EYS: variants seen among roughly 807,000 people sequenced by gnomAD.
EYS encodes the protein EGF-like photoreceptor maintenance factor.
A neutral mutation model predicts 282.1 loss-of-function variants in EYS; 250 were observed. That is an observed-to-expected ratio of 0.89 (90% CI 0.80 to 0.98). The LOEUF (loss-of-function observed/expected upper bound fraction) is 0.98. EYS is among the 50% of genes least tolerant of loss of function. EYS has a pLI of 0.00. For missense variants in EYS, 4,016 were observed against 3,709.0 expected (o/e 1.08, Z -2.15); for synonymous variants, 1,355 against 1,282.9 (o/e 1.06, Z -1.20).
chr6:64,961,866 T>C, intron 14 of EYS, among the ~76,000 whole-genome samples: 1 of 152,156 alleles, frequency 6.6e-6, no homozygotes, highest in Non-Finnish European at 1.5e-5. Context: ...TTGGGGGAGA[T>C]AATTTCTGAA....
intron 2 of EYS, among the ~76,000 whole-genome samples, chr6:65,565,378 C>A (rs1360070637): frequency 6.6e-6 from 1 of 151,150 alleles, no homozygotes; most frequent in African/African-American, 2.4e-5. Flanking sequence ...TAGATAAATG[C>A]AAATCAAAAC....
chr6:63,876,477 G>A (rs940743006), intron 35 of EYS, among the ~76,000 whole-genome samples: 1 of 152,230 alleles, frequency 6.6e-6, no homozygotes, highest in African/African-American at 2.4e-5. Flanking sequence ...TTCTGTAAAT[G>A]TCTATTAGGT....
intron 33 of EYS, among the ~76,000 whole-genome samples, chr6:64,044,366 G>T (rs956250899): frequency 2.6e-5 from 4 of 152,094 alleles, no homozygotes; most frequent in Non-Finnish European, 5.9e-5. Context: ...CTGGCTTTCT[G>T]CCCATCAGTA....
chr6:64,417,073 T>G (rs1388811324), intron 28 of EYS, among the ~76,000 whole-genome samples: 1 of 152,142 alleles, frequency 6.6e-6, no homozygotes, highest in African/African-American at 2.4e-5. Context: ...AATGACATAA[T>G]GTTGACTGAA....
intron 2 of EYS, among the ~76,000 whole-genome samples, chr6:65,514,506 A>G (rs1304226768): frequency 6.6e-6 from 1 of 152,244 alleles, no homozygotes; most frequent in East Asian, 1.9e-4. Flanking sequence ...AAAAGAACAA[A>G]GCTGGAGGCA....
chr6:63,873,958 G>C (rs1324276502), intron 35 of EYS, among the ~76,000 whole-genome samples: 4 of 152,116 alleles, frequency 2.6e-5, no homozygotes, highest in East Asian at 1.9e-4. Flanking sequence ...TGTTCACTCT[G>C]ATGGTAGTTT....
chr6:64,419,885 GGA>G (rs1480440386), intron 28 of EYS, among the ~76,000 whole-genome samples: 3 of 152,210 alleles, frequency 2.0e-5, no homozygotes, highest in Admixed American at 2.0e-4. Flanking sequence ...TCTGGGGTCT[GGA>G]GAACAGTGTC....
intron 22 of EYS, among the ~76,000 whole-genome samples, chr6:64,675,869 AG>A (rs1410761018): frequency 6.6e-6 from 1 of 151,536 alleles, no homozygotes; most frequent in Non-Finnish European, 1.5e-5. Context: ...TATTTGTAAA[AG>A]GGAATAATAA....
intron 1 of EYS, among the ~76,000 whole-genome samples, chr6:65,643,896 C>G (rs772556061): frequency 3.9e-5 from 6 of 152,086 alleles, no homozygotes; most frequent in South Asian, 2.1e-4. Context: ...CAAGGGAGCA[C>G]GCGGTGGGAC....
intron 13 of EYS, among the ~76,000 whole-genome samples, chr6:65,008,225 C>T (rs1208077371): frequency 1.3e-5 from 2 of 152,160 alleles, no homozygotes; most frequent in Admixed American, 6.5e-5. Flanking sequence ...AATCCTACCG[C>T]CTTTCTGGAG....
rs150961933 is a variant in EYS at position 65,461,569 on chromosome 6, C to T, written c.862+29025G>A. The stretch of plus-strand genomic sequence containing the variant: ...TTCTGAAACATCTGCTGTGTATGCC[C>T]CTCCCACGTAATCCTAAACCTACAC... On this transcript the variant is annotated intron_variant, in intron 5 of 42. Transcript: ENST00000503581. Among the ~76,000 whole-genome samples, 922 of 152,072 alleles carry T rather than the reference C, an allele frequency of 6.1e-3. 16 individuals carry two copies. Among genetic ancestry groups the T allele is most frequent in the South Asian group, 0.038 (185 of 4,816 alleles).
intron 31 of EYS, among the ~76,000 whole-genome samples, chr6:64,209,013 A>G (rs1159923485): frequency 6.6e-6 from 1 of 151,996 alleles, no homozygotes; most frequent in African/African-American, 2.4e-5. Context: ...TTTCTTCTTC[A>G]TTTTACTATA....
intron 12 of EYS, among the ~76,000 whole-genome samples, chr6:65,201,992 G>C (rs1765913978): frequency 6.6e-6 from 1 of 151,918 alleles, no homozygotes. Flanking sequence ...CACACCTGTA[G>C]TCCCAGCTAC....
At chr6:64,148,784 A>T (rs563715560) in intron 31 of EYS, among the ~76,000 whole-genome samples, 43 of 152,340 alleles carry the variant, frequency 2.8e-4, no homozygotes, top group African/African-American at 1.0e-3. Flanking sequence ...CAGTTGGATG[A>T]GAAATGATTG....
chr6:65,165,006 G>A (rs1201739953), intron 12 of EYS, among the ~76,000 whole-genome samples: 1 of 151,262 alleles, frequency 6.6e-6, no homozygotes. Context: ...CAAATTCTTA[G>A]GCAATGGGGT....
chr6:64,359,898 C>CTCATTTTGCTTTTTAA (rs1771949451), intron 29 of EYS, among the ~76,000 whole-genome samples: 1 of 151,526 alleles, frequency 6.6e-6, no homozygotes, highest in Non-Finnish European at 1.5e-5. Flanking sequence ...CATAATCATC[C>CTCATTTTGCTTTTTAA]TCATTTTGCT....
intron 8 of EYS, among the ~76,000 whole-genome samples, chr6:65,354,632 A>T (rs1411353838): frequency 6.6e-6 from 1 of 152,120 alleles, no homozygotes; most frequent in Non-Finnish European, 1.5e-5. Flanking sequence ...CCTGGCTAAC[A>T]GGGTGAAACC....
chr6:65,380,499 A>T (rs1347682144), intron 8 of EYS, among the ~76,000 whole-genome samples: 1 of 152,200 alleles, frequency 6.6e-6, no homozygotes, highest in Non-Finnish European at 1.5e-5. Flanking sequence ...TAAATGTAAA[A>T]TTTAAAACCA....
chr6:64,765,189 A>C (rs1773283936), intron 22 of EYS, among the ~76,000 whole-genome samples: 1 of 152,230 alleles, frequency 6.6e-6, no homozygotes, highest in African/African-American at 2.4e-5. Flanking sequence ...TCAGGTTCAA[A>C]GTTCCACAGA....
Sources: allele counts gnomAD v4.1 joint callset (sites outside exome capture counted in the v4.1 genomes callset), GRCh38; gene constraint gnomAD v4.1.1; transcripts MANE v1.5; gene names NCBI Gene and HGNC (gene_info 2026-07-23, HGNC 2026-07-21).